Variants in DTD1 observed in about 807,000 individuals in gnomAD.
DTD1 encodes the protein D-aminoacyl-tRNA deacylase 1, also known as D-tyrosyl-tRNA deacylase 1 homolog.
Under a neutral mutation model 25.6 loss-of-function variants are expected in DTD1, and 13 were observed. That is an observed-to-expected ratio of 0.51 (90% CI 0.33 to 0.81). The LOEUF (loss-of-function observed/expected upper bound fraction) is 0.81. Ranked by LOEUF, DTD1 falls within the 30% of genes least tolerant of loss-of-function variation. The probability of loss-of-function intolerance (pLI) is 0.02; values close to 1 mark genes in which losing one functional copy is unlikely to be tolerated. For synonymous variants in DTD1, 110 were observed against 103.6 expected (o/e 1.06, Z -0.37); for missense variants, 193 against 266.4 (o/e 0.72, Z 1.92).
intron 5 of DTD1, among the ~76,000 whole-genome samples, chr20:18,757,714 A>C (rs1233530552): frequency 2.0e-5 from 3 of 152,178 alleles, no homozygotes; most frequent in African/African-American, 7.2e-5. Context: ...TTCATCAGGG[A>C]TATTGGTCTA....
At chr20:18,613,097 T>A (rs2060694349) in intron 3 of DTD1, among the ~76,000 whole-genome samples, 1 of 152,138 alleles carries the variant, frequency 6.6e-6, no homozygotes, top group Admixed American at 6.5e-5. Context: ...GAGGCCAGAG[T>A]GTCCTTCCTT....
intron 4 of DTD1, among the ~76,000 whole-genome samples, chr20:18,661,394 CA>C (rs2060909483): frequency 2.2e-5 from 2 of 91,262 alleles, no homozygotes; most frequent in Admixed American, 3.0e-4. Flanking sequence ...TTTTTTGGGA[CA>C]GAGTCTTGCT....
intron 3 of DTD1, chr20:18,619,969 G>A (rs1338134969): frequency 6.6e-6 from 1 of 151,714 alleles, no homozygotes; most frequent in Non-Finnish European, 1.5e-5. Context: ...ATTATTTTTA[G>A]TTTTTAATTT....
At chr20:18,693,933 A>T (rs2061059730) in intron 4 of DTD1, among the ~76,000 whole-genome samples, 1 of 152,058 alleles carries the variant, frequency 6.6e-6, no homozygotes, top group Non-Finnish European at 1.5e-5. Context: ...TTAATAAAAA[A>T]TTTTCCTTAG....
chr20:18,708,272 TATATA>T (rs2061140383), intron 4 of DTD1, among the ~76,000 whole-genome samples: 4 of 20,392 alleles, frequency 2.0e-4, no homozygotes, highest in East Asian at 9.3e-4. Flanking sequence ...ATTTTATATA[TATATA>T]ATATATATTA....
chr20:18,644,014 G>T (rs754847164), intron 4 of DTD1, among the ~76,000 whole-genome samples: 18 of 152,216 alleles, frequency 1.2e-4, no homozygotes, highest in Admixed American at 3.3e-4. Flanking sequence ...CATTTTAACT[G>T]CAAGATGGGA....
chr20:18,719,652 G>A (rs537417136), intron 4 of DTD1, among the ~76,000 whole-genome samples: 1 of 152,300 alleles, frequency 6.6e-6, no homozygotes, highest in South Asian at 2.1e-4. Flanking sequence ...TCAAGCCTCC[G>A]AGTGGTACTG....
intron 4 of DTD1, among the ~76,000 whole-genome samples, chr20:18,641,857 T>G (rs577188213): frequency 1.3e-5 from 2 of 152,246 alleles, no homozygotes; most frequent in Non-Finnish European, 2.9e-5. Flanking sequence ...TACAGAAGTT[T>G]TTAATTCTGA....
At chr20:18,651,055 A>C (rs762221424) in intron 4 of DTD1, among the ~76,000 whole-genome samples, 7 of 152,196 alleles carry the variant, frequency 4.6e-5, no homozygotes, top group African/African-American at 1.4e-4. Flanking sequence ...TATTTATGGG[A>C]AGTTGAGAAT....
chr20:18,659,860 T>C lies in DTD1; in HGVS notation c.477+31627T>C, dbSNP rs187033629. Reference sequence around the variant, plus strand: ...AGGTACAGCAAACCACCATAGCACATGTATACCTATGTTAGCAAACCTGCA... The same window carrying C: ...AGGTACAGCAAACCACCATAGCACACGTATACCTATGTTAGCAAACCTGCA... On this transcript the variant is annotated intron_variant, in intron 4 of 5. Coordinates refer to ENST00000377452, the MANE Select transcript of DTD1 (RefSeq NM_080820.6). Among the ~76,000 whole-genome samples, 6 of 152,156 alleles carry C rather than the reference T, an allele frequency of 3.9e-5. No individual in the cohort carries two copies. The East Asian group carries it at 1.2e-3, about 29-fold the overall frequency.
At chr20:18,644,118 A>G (rs973547477) in intron 4 of DTD1, among the ~76,000 whole-genome samples, 9 of 152,102 alleles carry the variant, frequency 5.9e-5, no homozygotes, top group Non-Finnish European at 1.2e-4. Flanking sequence ...ACTAATGATG[A>G]TGCAAAATTG....
At chr20:18,610,836 C>T (rs2060683730) in intron 3 of DTD1, among the ~76,000 whole-genome samples, 2 of 152,224 alleles carry the variant, frequency 1.3e-5, no homozygotes, top group Admixed American at 1.3e-4. Flanking sequence ...CGCTTTCACA[C>T]AGGAGATTGA....
chr20:18,738,213 A>G (rs1434785323), intron 4 of DTD1, among the ~76,000 whole-genome samples: 3 of 152,204 alleles, frequency 2.0e-5, no homozygotes, highest in African/African-American at 7.2e-5. Context: ...CTCCCTGGGA[A>G]GAATGCGGGG....
intron 4 of DTD1, chr20:18,632,033 GCA>G (rs755834342): frequency 1.2e-6 from 1 of 846,852 alleles, no homozygotes; most frequent in Non-Finnish European, 1.4e-6. Flanking sequence ...GGAATTCTCA[GCA>G]CACACAGAAT....
chr20:18,641,286 T>C (rs1181279101), intron 4 of DTD1, among the ~76,000 whole-genome samples: 1 of 152,252 alleles, frequency 6.6e-6, no homozygotes, highest in East Asian at 1.9e-4. Context: ...TTATTGTGAA[T>C]AGCGCTGCTG....
intron 4 of DTD1, among the ~76,000 whole-genome samples, chr20:18,722,164 C>G (rs1025967507): frequency 6.6e-6 from 1 of 152,222 alleles, no homozygotes; most frequent in African/African-American, 2.4e-5. Flanking sequence ...CCACTCTCCT[C>G]TAGCTATGCC....
At chr20:18,623,571 T>A (rs1568649742) in intron 3 of DTD1, among the ~76,000 whole-genome samples, 1 of 152,208 alleles carries the variant, frequency 6.6e-6, no homozygotes, top group Non-Finnish European at 1.5e-5. Flanking sequence ...CCTCCCCACA[T>A]CTGCTCTATC....
At position 18,744,015 on chromosome 20, in the gene DTD1, C is replaced by T. The variant is rs541209079; in HGVS notation, c.478-85C>T. The T allele has an allele frequency of 9.7e-6, 14 of 1,440,748 alleles. No individual in the cohort carries two copies. In the Admixed American group the frequency reaches 3.4e-4, roughly 35 times the overall value. The allele number at this position is 1,440,748 out of a possible 1,614,324, so 89.2% of individuals were successfully genotyped here. On this transcript the variant is annotated intron_variant, in intron 4 of 5. Transcript: ENST00000377452. ...ATCAGAAAAAAACTTTTCAATGGTT[C>T]CCACCTGGGAAGTCACTGGTGTGTG...
At chr20:18,704,236 G>T (rs887426713) in intron 4 of DTD1, among the ~76,000 whole-genome samples, 1 of 152,140 alleles carries the variant, frequency 6.6e-6, no homozygotes, top group African/African-American at 2.4e-5. Context: ...TCCTGAGCTC[G>T]TGATCCTCCC....
Sources: gnomAD v4.1 joint callset for allele counts (sites outside exome capture counted in the v4.1 genomes callset) on GRCh38, gnomAD v4.1.1 for gene constraint, MANE v1.5 for transcripts, NCBI Gene and HGNC (gene_info 2026-07-23, HGNC 2026-07-21) for gene names.